CEP70: variants seen among roughly 807,000 people sequenced by gnomAD.
CEP70 encodes centrosomal protein 70, also known as centrosomal protein of 70 kDa.
Under a neutral mutation model 90.9 loss-of-function variants are expected in CEP70, and 70 were observed. The observed-to-expected ratio is 0.77, with a 90% CI of 0.64 to 0.94. CEP70 has a LOEUF of 0.94. CEP70 is among the 40% of genes least tolerant of loss of function. The pLI is 0.00. For synonymous variants in CEP70, 220 were observed against 228.3 expected, an observed-to-expected ratio of 0.96 and a Z score of 0.33; for missense variants, 648 against 669.0, an observed-to-expected ratio of 0.97 and a Z score of 0.35.
rs1265594657 is a variant in CEP70, at chr3:138,495,044, C to T, written c.1765G>A (p.Val589Ile). 4.5e-6 allele frequency: 7 copies of T among 1,550,300 alleles called. No individual in the cohort carries two copies. Among genetic ancestry groups the T allele is most frequent in the Non-Finnish European group, 6.2e-6 (7 of 1,124,540 alleles). ...IDDLDAIVPAVKKLKVLSY is the reference protein window; with the variant it reads ...IDDLDAIVPAIKKLKVLSY ...TATGAAAGTACTTTTAATTTCTTTACTGCAGGTACAATGGCATCCAAGTCA... is the reference window on the plus strand; with the variant it reads ...TATGAAAGTACTTTTAATTTCTTTATTGCAGGTACAATGGCATCCAAGTCA... The change falls in exon 18 of 18, where the codon GTA becomes ATA. Residue 589 changes from valine to isoleucine, a missense_variant. Val to Ile is a conservative substitution (Grantham distance 29). Coordinates refer to ENST00000264982, the MANE Select transcript of CEP70 (RefSeq NM_024491.4).
intron 11 of CEP70, among the ~76,000 whole-genome samples, chr3:138,525,279 G>C (rs1205110382): frequency 2.0e-5 from 3 of 151,966 alleles, no homozygotes; most frequent in Non-Finnish European, 4.4e-5. Context: ...TGGGGGGAGT[G>C]GGGAGGGATA....
intron 6 of CEP70, among the ~76,000 whole-genome samples, chr3:138,539,002 C>T (rs1384367615): frequency 6.6e-6 from 1 of 152,060 alleles, no homozygotes; most frequent in Non-Finnish European, 1.5e-5. Context: ...GATGTTAAAT[C>T]TCTTTTATCA....
chr3:138,524,737 T>C (rs1295911110), intron 11 of CEP70, among the ~76,000 whole-genome samples: 8 of 152,106 alleles, frequency 5.3e-5, no homozygotes, highest in African/African-American at 1.9e-4. Context: ...CCAGTTAGAA[T>C]GGCGATCATT....
chr3:138,587,930 A>C (rs986906321), intron 2 of CEP70, among the ~76,000 whole-genome samples: 6 of 152,220 alleles, frequency 3.9e-5, no homozygotes, highest in African/African-American at 1.4e-4. Context: ...TTCCAGAAAC[A>C]GACTCATACA....
intron 11 of CEP70, among the ~76,000 whole-genome samples, chr3:138,514,019 C>T (rs913197912): frequency 6.6e-5 from 10 of 151,706 alleles, no homozygotes; most frequent in Non-Finnish European, 1.2e-4. Flanking sequence ...TACCCTCTTC[C>T]ATTTTCTTGT....
rs143099025 is a variant in CEP70, at chr3:138,575,565, G to C, written c.-5-2633C>G. On this transcript the variant is annotated intron_variant, in intron 2 of 17. Transcript: ENST00000264982. ...CAGGAGAACTTCCCCAACCTAGCAA[G>C]ACAGGCCAACATTCAAATTCAGGAA... is the stretch of plus-strand genomic sequence containing the variant. Among the ~76,000 whole-genome samples the C allele has an allele frequency of 4.8e-3, 727 of 152,288 alleles. 4 individuals are homozygous for C. The highest frequency in any genetic ancestry group is 0.017 in the African/African-American group (700 of 41,548).
intron 6 of CEP70, among the ~76,000 whole-genome samples, chr3:138,540,680 G>A (rs2038685443): frequency 6.6e-6 from 1 of 152,174 alleles, no homozygotes; most frequent in African/African-American, 2.4e-5. Flanking sequence ...GTGGAAAGCA[G>A]TATGGCAATT....
At chr3:138,549,248 C>A (rs182124420) in intron 6 of CEP70, among the ~76,000 whole-genome samples, 1 of 151,352 alleles carries the variant, frequency 6.6e-6, no homozygotes, top group Admixed American at 6.6e-5. Flanking sequence ...ATTTGAGAAG[C>A]GGGGAGGCAC....
rs766295713 is a variant in CEP70, at chr3:138,508,515, G to A, written c.974C>T (p.Ala325Val). 1.9e-6 allele frequency: 3 copies of A among 1,611,406 alleles called. No individual in the cohort carries two copies. The highest frequency in any genetic ancestry group is 2.5e-6 in the Non-Finnish European group (3 of 1,177,860). Residue 325 changes from alanine to valine, a missense_variant, in exon 12 of 18, where the codon GCT becomes GTT. Coordinates refer to ENST00000264982, the MANE Select transcript of CEP70 (RefSeq NM_024491.4). Reference sequence around the variant, plus strand: ...CTCATCTTTCTTCTCTGTGTCCTCAGCCTTCTTATGATTAATAAGCTCCTG... The same window carrying A: ...CTCATCTTTCTTCTCTGTGTCCTCAACCTTCTTATGATTAATAAGCTCCTG... ...KLQELINHKK[A>V]EDTEKKDEPS...
intron 11 of CEP70, among the ~76,000 whole-genome samples, chr3:138,520,056 T>C (rs1352314652): frequency 6.6e-6 from 1 of 152,096 alleles, no homozygotes; most frequent in African/African-American, 2.4e-5. Flanking sequence ...AAACAGACTT[T>C]AAACCAACAA....
At chr3:138,517,446 G>A (rs1207715649) in intron 11 of CEP70, among the ~76,000 whole-genome samples, 1 of 145,052 alleles carries the variant, frequency 6.9e-6, no homozygotes, top group Non-Finnish European at 1.5e-5. Flanking sequence ...GAGGCGGGTG[G>A]ATCACGAGGT....
At chr3:138,569,289 G>A (rs1392857195) in intron 6 of CEP70, among the ~76,000 whole-genome samples, 1 of 152,134 alleles carries the variant, frequency 6.6e-6, no homozygotes, top group Non-Finnish European at 1.5e-5. Flanking sequence ...CCTGCCTGAT[G>A]AATACTGCTC....
chr3:138,514,467 A>G (rs1310945477), intron 11 of CEP70, among the ~76,000 whole-genome samples: 2 of 151,984 alleles, frequency 1.3e-5, no homozygotes, highest in South Asian at 2.1e-4. Context: ...TTTTTTTCCT[A>G]CGTTTGTAAA....
chr3:138,550,367 T>C (rs1167301807), intron 6 of CEP70, among the ~76,000 whole-genome samples: 1 of 152,184 alleles, frequency 6.6e-6, no homozygotes, highest in Admixed American at 6.5e-5. Context: ...ACATTTTTTG[T>C]TGTTGTTGTT....
chr3:138,497,916 A>G, intron 17 of CEP70, 115 bp downstream of exon 17: 4 of 1,517,690 alleles, frequency 2.6e-6, no homozygotes, highest in Non-Finnish European at 3.5e-6. Flanking sequence ...CAGAACTGTT[A>G]GTGGTTTCCA....
At chr3:138,543,741 T>C (rs1251412703) in intron 6 of CEP70, among the ~76,000 whole-genome samples, 1 of 151,994 alleles carries the variant, frequency 6.6e-6, no homozygotes, top group Non-Finnish European at 1.5e-5. Context: ...GAAGTGGAGG[T>C]TGCAGTGAAC....
chr3:138,562,754 C>G (rs1648556099), intron 6 of CEP70, among the ~76,000 whole-genome samples: 2 of 152,142 alleles, frequency 1.3e-5, no homozygotes. Context: ...CAAAATCATA[C>G]CAAACTGTAA....
rs182819924 is a variant in CEP70 at position 138,505,300 on chromosome 3, A to G, written c.1216T>C (p.Leu406=). The change falls in exon 13 of 18, where the codon TTA becomes CTA. Residue 406 remains leucine, a synonymous_variant. Coordinates refer to ENST00000264982, the MANE Select transcript of CEP70 (RefSeq NM_024491.4). The part of the protein sequence containing the change: ...IEMWADQLTS[L]KDLYKSLKTL... ...AATCATAGTCAACCCCTTACCTTTAAGGATGTCAGTTGATCTGCCCACATT... is the reference window on the plus strand; with the variant it reads ...AATCATAGTCAACCCCTTACCTTTAGGGATGTCAGTTGATCTGCCCACATT... 2 of 1,605,090 alleles carry G rather than the reference A, an allele frequency of 1.2e-6. No individual in the cohort carries two copies. The highest frequency in any genetic ancestry group is 2.7e-5 in the African/African-American group (2 of 74,650).
intron 6 of CEP70, among the ~76,000 whole-genome samples, chr3:138,539,020 C>T (rs973893046): frequency 6.6e-6 from 1 of 151,978 alleles, no homozygotes; most frequent in African/African-American, 2.4e-5. Flanking sequence ...TCATTGTTTT[C>T]GTTTGTTTGT....
Sources: gnomAD v4.1 joint callset for allele counts (sites outside exome capture counted in the v4.1 genomes callset) on GRCh38, gnomAD v4.1.1 for gene constraint, MANE v1.5 for transcripts, NCBI Gene and HGNC (gene_info 2026-07-23, HGNC 2026-07-21) for gene names.